The following EML5 variants were observed in gnomAD, a reference collection of about 807,000 sequenced individuals.
The protein encoded by EML5 is echinoderm microtubule-associated protein-like 5.
EML5 carries 120 observed loss-of-function variants against 250.0 expected under a neutral mutation model. That is an observed-to-expected ratio of 0.48 (90% CI 0.41 to 0.56). The LOEUF (loss-of-function observed/expected upper bound fraction) is 0.56. EML5 is among the 20% of genes least tolerant of loss of function. EML5 has a pLI of 0.00. For missense variants in EML5, 2,006 were observed against 2,437.6 expected, an observed-to-expected ratio of 0.82 and a Z score of 3.73; for synonymous variants, 771 against 806.5, an observed-to-expected ratio of 0.96 and a Z score of 0.75.
At chr14:88,653,787 G>A (rs1567067973) in intron 27 of EML5, among the ~76,000 whole-genome samples, 1 of 152,132 alleles carries the variant, frequency 6.6e-6, no homozygotes, top group East Asian at 1.9e-4. Flanking sequence ...CCAGGTTTTG[G>A]TATCAAGATG....
chr14:88,624,786 AG>A, intron 36 of EML5, 183 bp downstream of exon 36: 2 of 668,416 alleles, frequency 3.0e-6, no homozygotes, highest in Non-Finnish European at 4.8e-6. Flanking sequence ...AAAAATTGGA[AG>A]TGAATTAAGA....
At chr14:88,651,721 T>C (rs925917600) in intron 27 of EML5, among the ~76,000 whole-genome samples, 33 of 151,762 alleles carry the variant, frequency 2.2e-4, no homozygotes, top group Admixed American at 7.9e-4. Flanking sequence ...TAATATTATA[T>C]TTTCATATTT....
intron 17 of EML5, 93 bp downstream of exon 17, chr14:88,694,214 G>T: frequency 1.3e-6 from 1 of 757,120 alleles, no homozygotes; most frequent in Non-Finnish European, 2.2e-6. Flanking sequence ...ATTCCAGGAT[G>T]CAGTCTAGGG....
At chr14:88,734,160 A>G (rs77662769) in intron 7 of EML5, among the ~76,000 whole-genome samples, 7,494 of 152,238 alleles carry the variant, frequency 0.049, 496 homozygotes, top group South Asian at 0.15. Flanking sequence ...AAATGTGGAA[A>G]GTTTACAGAA....
At chr14:88,671,920 C>T (rs370540333) in intron 21 of EML5, among the ~76,000 whole-genome samples, 1 of 152,116 alleles carries the variant, frequency 6.6e-6, no homozygotes, top group African/African-American at 2.4e-5. Context: ...TAGAGACCTA[C>T]GAAGAGACAA....
At chr14:88,704,065 T>C (rs945176184) in intron 13 of EML5, among the ~76,000 whole-genome samples, 3 of 152,174 alleles carry the variant, frequency 2.0e-5, no homozygotes, top group African/African-American at 7.2e-5. Context: ...CGGATATTTG[T>C]GCTGTCCAAA....
Position 88,613,282 on chromosome 14 carries a change from T to G in EML5, c.*2536A>C, listed in dbSNP as rs1020558704. 6.6e-6 allele frequency: 1 copy of G among 152,184 alleles called. No homozygotes were observed. The highest frequency in any genetic ancestry group is 6.5e-5 in the Admixed American group (1 of 15,280). 9.4% of individuals were successfully genotyped at this position (152,184 alleles called of 1,614,324 possible). ...TGACAGTTCCTCTTCATTCTAAAGG[T>G]TTACTCCATTGAATTTAAGGCATTT... On this transcript the variant is annotated 3_prime_UTR_variant, in exon 44 of 44. Transcript: ENST00000554922.
intron 2 of EML5, among the ~76,000 whole-genome samples, chr14:88,753,251 A>T (rs1171528481): frequency 6.6e-6 from 1 of 152,146 alleles, no homozygotes; most frequent in East Asian, 1.9e-4. Flanking sequence ...AAGGGGTTTG[A>T]GCTGGGCAGC....
At chr14:88,616,913 G>T (rs767836169) in intron 41 of EML5, 34 bp from the exon 42 acceptor site, 7 of 1,602,260 alleles carry the variant, frequency 4.4e-6, no homozygotes, top group Non-Finnish European at 5.1e-6. Context: ...ACTCATCATG[G>T]CAAGTGCGGG....
intron 3 of EML5, among the ~76,000 whole-genome samples, chr14:88,745,702 T>C (rs1223178837): frequency 2.0e-5 from 3 of 152,104 alleles, no homozygotes; most frequent in Non-Finnish European, 4.4e-5. Flanking sequence ...GTCAAACCCA[T>C]CAAACTTCAC....
At chr14:88,709,675 A>G (rs1332618006) in intron 10 of EML5, among the ~76,000 whole-genome samples, 1 of 152,216 alleles carries the variant, frequency 6.6e-6, no homozygotes. Flanking sequence ...TATAACGTTC[A>G]CATTCTCCAT....
At position 88,657,468 on chromosome 14, in the gene EML5, G is replaced by C. The variant is rs1225006156; in HGVS notation, c.3912C>G (p.Ile1304Met). ...YDSDVTRENEISYTIRALSTN... is the reference protein window; with the variant it reads ...YDSDVTRENEMSYTIRALSTN... ...TTGATAAGGCTCTGATGGTGTAACT[G>C]ATTTCATTCTCCCTTGTAACATCAC... The change falls in exon 27 of 44, where the codon ATC becomes ATG. Residue 1304 changes from isoleucine (I) to methionine (M), a missense_variant. By Grantham distance (10) the Ile-to-Met change is conservative. Transcript: ENST00000554922. The C allele has an allele frequency of 2.5e-6, 4 of 1,606,514 alleles. No homozygotes were observed. Among genetic ancestry groups the C allele is most frequent in the Non-Finnish European group, 3.4e-6 (4 of 1,176,462 alleles).
At chr14:88,678,006 G>A (rs2092634485) in intron 21 of EML5, among the ~76,000 whole-genome samples, 1 of 152,258 alleles carries the variant, frequency 6.6e-6, no homozygotes, top group Admixed American at 6.5e-5. Flanking sequence ...GTTCACTGCA[G>A]CACTATTCAC....
intron 40 of EML5, 97 bp from the exon 41 acceptor site, chr14:88,618,428 A>G (rs745340216): frequency 3.5e-6 from 4 of 1,150,154 alleles, no homozygotes; most frequent in Non-Finnish European, 5.1e-6. Flanking sequence ...TACTTGATTT[A>G]CATGTCTAAC....
chr14:88,716,371 T>A (rs952900027), intron 8 of EML5, among the ~76,000 whole-genome samples: 1 of 152,172 alleles, frequency 6.6e-6, no homozygotes, highest in Admixed American at 6.5e-5. Context: ...TTCCTATGCA[T>A]AGACTCATAC....
chr14:88,667,862 G>A (rs2092349515), intron 21 of EML5, among the ~76,000 whole-genome samples: 1 of 152,222 alleles, frequency 6.6e-6, no homozygotes, highest in African/African-American at 2.4e-5. Context: ...TCTGGCAGGA[G>A]TCCTCACAGT....
chr14:88,617,079 T>C, intron 41 of EML5, 200 bp from the exon 42 acceptor site: 1 of 461,018 alleles, frequency 2.2e-6, no homozygotes, highest in Non-Finnish European at 3.8e-6. Flanking sequence ...ATTTTATAAT[T>C]TGAAGGGTTT....
intron 27 of EML5, among the ~76,000 whole-genome samples, chr14:88,653,026 G>A (rs1455482810): frequency 6.6e-6 from 1 of 152,136 alleles, no homozygotes; most frequent in East Asian, 1.9e-4. Flanking sequence ...TCCCTTGTAA[G>A]TTGTATTCCT....
chr14:88,733,699 G>A (rs889797968), intron 7 of EML5, among the ~76,000 whole-genome samples: 9 of 152,054 alleles, frequency 5.9e-5, no homozygotes, highest in Admixed American at 5.9e-4. Context: ...CTGGCACAAT[G>A]ACAGTAAATG....
Sources: gnomAD v4.1 joint callset for allele counts (sites outside exome capture counted in the v4.1 genomes callset) on GRCh38, gnomAD v4.1.1 for gene constraint, MANE v1.5 for transcripts, NCBI Gene and HGNC (gene_info 2026-07-23, HGNC 2026-07-21) for gene names.